PPARGC1B: variants seen among roughly 807,000 people sequenced by gnomAD.
PPARGC1B encodes the protein PPARG coactivator 1 beta, also known as peroxisome proliferator-activated receptor gamma coactivator 1-beta.
Under a neutral mutation model 101.6 loss-of-function variants are expected in PPARGC1B, and 34 were observed. That is an observed-to-expected ratio of 0.33 (90% CI 0.25 to 0.45). The LOEUF is 0.45. PPARGC1B is among the 20% of genes least tolerant of loss of function. The pLI is 1.00. For missense variants in PPARGC1B, 1,234 were observed against 1,317.6 expected, an observed-to-expected ratio of 0.94 and a Z score of 0.98; for synonymous variants, 548 against 539.3, an observed-to-expected ratio of 1.02 and a Z score of -0.22.
chr5:149,842,946 T>A (rs1759407736), intron 10 of PPARGC1B, among the ~76,000 whole-genome samples: 2 of 152,178 alleles, frequency 1.3e-5, no homozygotes, highest in Non-Finnish European at 2.9e-5. Flanking sequence ...GGCAGGCAGA[T>A]CACTTGAGGT....
At position 149,835,378 on chromosome 5, in the gene PPARGC1B, G is replaced by T. The variant is rs1221450428; in HGVS notation, c.1807+13G>T. ...TGTGGCACAGCAGGTGAGCCAGGGG[G>T]CTTCCACTGGCAGGTGCCTTCAGGA... On this transcript the variant is annotated intron_variant, in intron 7 of 11. Coordinates refer to ENST00000309241, the MANE Select transcript of PPARGC1B (RefSeq NM_133263.4). 2 of 1,611,504 alleles carry T rather than the reference G, an allele frequency of 1.2e-6. No individual in the cohort carries two copies. Among genetic ancestry groups the T allele is most frequent in the East Asian group, 4.5e-5 (2 of 44,850 alleles).
chr5:149,759,677 C>T (rs1755652922), intron 1 of PPARGC1B, among the ~76,000 whole-genome samples: 1 of 152,202 alleles, frequency 6.6e-6, no homozygotes, highest in Admixed American at 6.5e-5. Context: ...CCCTCATCCT[C>T]ACAAACCAGA....
downstream of PPARGC1B, among the ~76,000 whole-genome samples, chr5:149,857,436 G>A (rs1025205111): frequency 6.6e-6 from 1 of 152,182 alleles, no homozygotes; most frequent in Admixed American, 6.5e-5. Context: ...GTCAGGACCA[G>A]CAACATCAAT....
intron 1 of PPARGC1B, among the ~76,000 whole-genome samples, chr5:149,772,439 G>A (rs571865566): frequency 6.6e-6 from 1 of 152,224 alleles, no homozygotes; most frequent in South Asian, 2.1e-4. Flanking sequence ...GCTTTGCTAG[G>A]GCTACTGTAA....
intron 1 of PPARGC1B, among the ~76,000 whole-genome samples, chr5:149,788,865 G>A (rs1181053835): frequency 6.6e-6 from 1 of 152,270 alleles, no homozygotes; most frequent in East Asian, 1.9e-4. Flanking sequence ...TCATAGGTGG[G>A]AATTGAACAA....
chr5:149,762,313 T>C (rs1357232841), intron 1 of PPARGC1B, among the ~76,000 whole-genome samples: 1 of 151,742 alleles, frequency 6.6e-6, no homozygotes, highest in Non-Finnish European at 1.5e-5. Context: ...CCCGGCTAAG[T>C]TTTTTGTATT....
chr5:149,809,116 T>C (rs189088062), intron 1 of PPARGC1B, among the ~76,000 whole-genome samples: 1 of 8,862 alleles, frequency 1.1e-4, no homozygotes, highest in East Asian at 2.6e-3. Flanking sequence ...ATCTCCACCT[T>C]AGATAGATAG....
In PPARGC1B at chr5:149,850,216, T is replaced by C. The variant is rs146230004; in HGVS notation, c.*2658T>C. The C allele has an allele frequency of 6.6e-6, 1 of 152,386 alleles. No homozygotes were observed. The highest frequency in any genetic ancestry group is 1.9e-4 in the East Asian group (1 of 5,180). The allele number at this position is 152,386 out of a possible 1,614,324, so 9.4% of individuals were successfully genotyped here. A position where few individuals can be genotyped will look rare whatever the true frequency, so the allele number is the denominator to read the frequency against. Reference sequence around the variant, plus strand: ...TATTTGCTTCTTCCTTGATTGCTCTTGGTCAAAGGGTCAGCCTTGGGCTGG... The same window carrying C: ...TATTTGCTTCTTCCTTGATTGCTCTCGGTCAAAGGGTCAGCCTTGGGCTGG... On this transcript the variant is annotated 3_prime_UTR_variant, in exon 12 of 12. Transcript: ENST00000309241.
intron 1 of PPARGC1B, among the ~76,000 whole-genome samples, chr5:149,754,109 A>G (rs757036385): frequency 6.6e-6 from 1 of 152,238 alleles, no homozygotes. Flanking sequence ...ACCTTCACCC[A>G]CACAGCATGT....
chr5:149,744,339 G>A (rs867274417), intron 1 of PPARGC1B, among the ~76,000 whole-genome samples: 1 of 152,204 alleles, frequency 6.6e-6, no homozygotes, highest in Non-Finnish European at 1.5e-5. Flanking sequence ...GCCTATGTAG[G>A]CATGGGGTGA....
At chr5:149,775,533 T>G (rs1440370377) in intron 1 of PPARGC1B, among the ~76,000 whole-genome samples, 1 of 152,138 alleles carries the variant, frequency 6.6e-6, no homozygotes, top group Non-Finnish European at 1.5e-5. Flanking sequence ...GAATTCAGTC[T>G]CCACACTCTT....
At chr5:149,752,787 C>T (rs550791671) in intron 1 of PPARGC1B, among the ~76,000 whole-genome samples, 129 of 152,306 alleles carry the variant, frequency 8.5e-4, no homozygotes, top group African/African-American at 2.9e-3. Flanking sequence ...CAAGATCGTA[C>T]CATTGCACTC....
At chr5:149,856,230 C>T (rs1759947209), downstream of PPARGC1B, among the ~76,000 whole-genome samples, 2 of 152,190 alleles carry the variant, frequency 1.3e-5, no homozygotes, top group Admixed American at 6.5e-5. Flanking sequence ...CATATATTCT[C>T]CTTGTTCAGG....
chr5:149,810,179 C>T (rs1757799840), intron 1 of PPARGC1B, among the ~76,000 whole-genome samples: 1 of 152,236 alleles, frequency 6.6e-6, no homozygotes. Flanking sequence ...TGCCACTCTC[C>T]TTTGAATTCA....
chr5:149,762,358 G>C (rs193153329), intron 1 of PPARGC1B, among the ~76,000 whole-genome samples: 1 of 152,176 alleles, frequency 6.6e-6, no homozygotes, highest in Non-Finnish European at 1.5e-5. Context: ...TGTAGCCCAG[G>C]CTGGTATCAA....
At chr5:149,732,833 T>C (rs1387429942) in intron 1 of PPARGC1B, 1 of 479,244 alleles carries the variant, frequency 2.1e-6, no homozygotes, top group Non-Finnish European at 4.3e-6. Context: ...CCAGGGCTCC[T>C]GACTCCAGGT....
chr5:149,786,374 G>C (rs919162227), intron 1 of PPARGC1B, among the ~76,000 whole-genome samples: 3 of 152,148 alleles, frequency 2.0e-5, no homozygotes, highest in Non-Finnish European at 4.4e-5. Context: ...GGGATTACAG[G>C]CATGAGCCAC....
At chr5:149,839,471 T>C (rs1411784863) in intron 8 of PPARGC1B, among the ~76,000 whole-genome samples, 1 of 152,218 alleles carries the variant, frequency 6.6e-6, no homozygotes, top group Non-Finnish European at 1.5e-5. Flanking sequence ...GCTCGGGCTA[T>C]GGGACTAATG....
chr5:149,766,894 G>A (rs1755929535), intron 1 of PPARGC1B, among the ~76,000 whole-genome samples: 1 of 152,218 alleles, frequency 6.6e-6, no homozygotes, highest in Non-Finnish European at 1.5e-5. Context: ...CTTGCACTTT[G>A]AGAACCTGCA....
Sources: allele counts gnomAD v4.1 joint callset (sites outside exome capture counted in the v4.1 genomes callset), GRCh38; gene constraint gnomAD v4.1.1; transcripts MANE v1.5; gene names NCBI Gene and HGNC (gene_info 2026-07-23, HGNC 2026-07-21).